The following ATP9B variants were observed in gnomAD, a reference collection of about 807,000 sequenced individuals.
The protein encoded by ATP9B is probable phospholipid-transporting ATPase IIB.
ATP9B carries 110 observed loss-of-function variants against 146.1 expected under a neutral mutation model. That is an observed-to-expected ratio of 0.75 (90% CI 0.65 to 0.88). The LOEUF (loss-of-function observed/expected upper bound fraction) is 0.88, where lower values mean the gene tolerates loss of function less well. ATP9B is among the 40% of genes least tolerant of loss of function. ATP9B has a pLI of 0.00. For synonymous variants in ATP9B, 604 were observed against 569.7 expected (o/e 1.06, Z -0.86); for missense variants, 1,499 against 1,496.4 (o/e 1.00, Z -0.03).
At chr18:79,207,280 C>A (rs1030345255) in intron 10 of ATP9B, among the ~76,000 whole-genome samples, 1 of 152,120 alleles carries the variant, frequency 6.6e-6, no homozygotes, top group African/African-American at 2.4e-5. Flanking sequence ...ATATTCTGTT[C>A]GTCTTTGACC....
At chr18:79,125,789 A>G (rs1320374838) in intron 4 of ATP9B, among the ~76,000 whole-genome samples, 1 of 152,212 alleles carries the variant, frequency 6.6e-6, no homozygotes, top group African/African-American at 2.4e-5. Context: ...TACTGCAGTT[A>G]TATAATAATG....
intron 17 of ATP9B, 129 bp downstream of exon 17, chr18:79,330,233 C>G (rs1490638424): frequency 1.6e-5 from 13 of 832,642 alleles, no homozygotes. Flanking sequence ...ATATCCTTTC[C>G]CCAGCTTGCA....
chr18:79,234,805 C>G (rs2148612027), intron 11 of ATP9B, among the ~76,000 whole-genome samples: 1 of 152,270 alleles, frequency 6.6e-6, no homozygotes, highest in South Asian at 2.1e-4. Flanking sequence ...TTGTCACGTT[C>G]AGCTCTATGT....
intron 9 of ATP9B, among the ~76,000 whole-genome samples, chr18:79,201,799 T>C (rs2095491052): frequency 6.6e-6 from 1 of 152,016 alleles, no homozygotes; most frequent in Non-Finnish European, 1.5e-5. Context: ...GACCTAGTGA[T>C]CCACCCACCT....
chr18:79,180,975 G>GTT (rs199971384), intron 8 of ATP9B, among the ~76,000 whole-genome samples: 90 of 140,650 alleles, frequency 6.4e-4, no homozygotes, highest in Non-Finnish European at 9.1e-4. Flanking sequence ...TTGTTTTTTT[G>GTT]TTTTTTTTTT....
intron 12 of ATP9B, among the ~76,000 whole-genome samples, chr18:79,258,478 A>G (rs1213372494): frequency 6.6e-6 from 1 of 152,194 alleles, no homozygotes; most frequent in African/African-American, 2.4e-5. Flanking sequence ...ATTATCTGTA[A>G]TCCTGCTGTC....
At chr18:79,146,737 A>C in intron 6 of ATP9B, 2 of 163,778 alleles carry the variant, frequency 1.2e-5, no homozygotes, top group South Asian at 3.0e-4. Flanking sequence ...GTGTTAAGGG[A>C]GTTCGTTCCT....
At chr18:79,367,540 C>T (rs1159413494) in intron 26 of ATP9B, among the ~76,000 whole-genome samples, 2 of 151,318 alleles carry the variant, frequency 1.3e-5, no homozygotes, top group Non-Finnish European at 2.9e-5. Flanking sequence ...ACACAGATAT[C>T]TTCACCTCCA....
chr18:79,339,749 T>G (rs890366161), intron 19 of ATP9B, among the ~76,000 whole-genome samples: 3 of 151,758 alleles, frequency 2.0e-5, no homozygotes, highest in Admixed American at 2.0e-4. Flanking sequence ...AAGTGTGTCA[T>G]GAGGCTGTAT....
At chr18:79,305,561 T>C (rs1186612455) in intron 14 of ATP9B, among the ~76,000 whole-genome samples, 1 of 152,202 alleles carries the variant, frequency 6.6e-6, no homozygotes, top group Non-Finnish European at 1.5e-5. Context: ...CAGGAATCTA[T>C]TTCTGCGTTG....
At chr18:79,084,706 C>T (rs966847193) in intron 1 of ATP9B, among the ~76,000 whole-genome samples, 2 of 152,090 alleles carry the variant, frequency 1.3e-5, no homozygotes, top group Admixed American at 6.6e-5. Context: ...CCTTCCTTGA[C>T]CATTTGAAAA....
In ATP9B at chr18:79,341,271, C is replaced by T. The variant is rs573550220; in HGVS notation, c.2284-997C>T. ...TGGTTGGATGTGTGTAGCGTGACCTCGTCGAAGTCTGTGTTGCCGACACAC... is the reference window on the plus strand; with the variant it reads ...TGGTTGGATGTGTGTAGCGTGACCTTGTCGAAGTCTGTGTTGCCGACACAC... On this transcript the variant is annotated intron_variant, in intron 19 of 29. Transcript: ENST00000426216. Among the ~76,000 whole-genome samples, 30 of 120,090 alleles carry T rather than the reference C, an allele frequency of 2.5e-4. 1 individual carries two copies. The highest frequency in any genetic ancestry group is 8.6e-5 in the Admixed American group (1 of 11,650). The allele number at this position is 120,090 out of a possible 152,430, so 78.8% of individuals were successfully genotyped here.
intron 17 of ATP9B, among the ~76,000 whole-genome samples, chr18:79,331,736 A>G (rs2096791119): frequency 6.6e-6 from 1 of 152,172 alleles, no homozygotes; most frequent in Non-Finnish European, 1.5e-5. Context: ...CTTTTCAATG[A>G]TCACATAACA....
Position 79,261,561 on chromosome 18 carries a change from C to T in ATP9B, c.1268+8020C>T, listed in dbSNP as rs191391074. Among the ~76,000 whole-genome samples, 8 of 152,222 alleles carry T rather than the reference C, an allele frequency of 5.3e-5. No homozygotes were observed. The East Asian group carries it at 1.5e-3, about 29-fold the overall frequency. ...CTCCACCCTCCACACCCCACCACCC[C>T]CGACCAGTCCAGGAGGAAACAGCTC... is the stretch of plus-strand genomic sequence containing the variant. On this transcript the variant is annotated intron_variant, in intron 12 of 29. Transcript: ENST00000426216.
At chr18:79,193,777 A>C (rs553412644) in intron 9 of ATP9B, among the ~76,000 whole-genome samples, 8 of 152,346 alleles carry the variant, frequency 5.3e-5, no homozygotes, top group African/African-American at 1.9e-4. Context: ...TTATTTTAAC[A>C]GCTTATAACT....
chr18:79,364,760 A>G (rs74508745), intron 26 of ATP9B, among the ~76,000 whole-genome samples: 14,067 of 152,232 alleles, frequency 0.092, 1,524 homozygotes, highest in African/African-American at 0.26. Flanking sequence ...GTGGCTTATC[A>G]TGCCTGTAAT....
At position 79,128,577 on chromosome 18, in the gene ATP9B, C is replaced by A. The variant is rs192985572; in HGVS notation, c.667+2202C>A. Among the ~76,000 whole-genome samples, 527 of 152,218 alleles carry A rather than the reference C, an allele frequency of 3.5e-3. 6 individuals carry two copies. The highest frequency in any genetic ancestry group is 0.011 in the African/African-American group (454 of 41,534). The stretch of plus-strand genomic sequence containing the variant: ...TAAGCCTTAGTATTGGAGAAAAAAA[C>A]CCCCAAATGGCCCGGTAAATTGTGT... On this transcript the variant is annotated intron_variant, in intron 5 of 29. Transcript: ENST00000426216.
chr18:79,260,584 C>T (rs995867395), intron 12 of ATP9B, among the ~76,000 whole-genome samples: 1 of 152,040 alleles, frequency 6.6e-6, no homozygotes, highest in Non-Finnish European at 1.5e-5. Flanking sequence ...CACAGGAGAC[C>T]CATCATGTTT....
intron 8 of ATP9B, among the ~76,000 whole-genome samples, chr18:79,179,315 A>G (rs2095221221): frequency 6.6e-6 from 1 of 151,876 alleles, no homozygotes; most frequent in Admixed American, 6.6e-5. Context: ...CCTTCATTCT[A>G]CATAGTTTAT....
Sources: allele counts gnomAD v4.1 joint callset (sites outside exome capture counted in the v4.1 genomes callset), GRCh38; gene constraint gnomAD v4.1.1; transcripts MANE v1.5; gene names NCBI Gene and HGNC (gene_info 2026-07-23, HGNC 2026-07-21).